Variants in PCDHA2 observed in about 807,000 individuals in gnomAD.
The protein encoded by PCDHA2 is protocadherin alpha-2.
In PCDHA2, 58 loss-of-function variants were observed where a neutral mutation model predicts 66.0. That is an observed-to-expected ratio of 0.88 (90% CI 0.71 to 1.09). The LOEUF is 1.09. Among genes scored for constraint, PCDHA2 ranks in the 50% least tolerant of loss-of-function variants. The pLI is 0.00. For missense variants in PCDHA2, 1,267 were observed against 1,242.3 expected (o/e 1.02, Z -0.30); for synonymous variants, 634 against 554.0 (o/e 1.14, Z -2.03).
intron 3 of PCDHA2, among the ~76,000 whole-genome samples, chr5:140,988,762 C>T (rs546274253): frequency 6.6e-6 from 1 of 152,308 alleles, no homozygotes; most frequent in South Asian, 2.1e-4. Context: ...GGGCAGAATA[C>T]AGTCATGGTT....
intron 1 of PCDHA2, chr5:140,810,659 GT>G (rs1271991109): frequency 7.3e-6 from 1 of 137,198 alleles, no homozygotes; most frequent in African/African-American, 2.9e-5. Context: ...CTAGTCTGTT[GT>G]TTTTCTTTTC....
intron 3 of PCDHA2, among the ~76,000 whole-genome samples, chr5:141,007,495 G>T (rs2098332812): frequency 6.6e-6 from 1 of 151,988 alleles, no homozygotes; most frequent in Non-Finnish European, 1.5e-5. Flanking sequence ...TTGGACCTAG[G>T]AGGCAGAGAC....
At chr5:140,943,826 GA>G (rs1186583699) in intron 1 of PCDHA2, among the ~76,000 whole-genome samples, 5 of 152,198 alleles carry the variant, frequency 3.3e-5, no homozygotes, top group African/African-American at 1.2e-4. Flanking sequence ...AAAATGAGTT[GA>G]TTGAAGTTGT....
At chr5:140,869,222 AAC>A (rs1554162674) in intron 1 of PCDHA2, 2 of 1,613,834 alleles carry the variant, frequency 1.2e-6, no homozygotes, top group South Asian at 2.2e-5. Context: ...GAGGAGGCCA[AAC>A]ACGGCACCTT....
chr5:140,929,364 A>C (rs782443919), intron 1 of PCDHA2: 3 of 1,521,318 alleles, frequency 2.0e-6, no homozygotes, highest in Admixed American at 2.2e-5. Flanking sequence ...TTTGGCCCGG[A>C]GATGGCTGCT....
At chr5:140,960,903 G>C (rs560284839) in intron 1 of PCDHA2, among the ~76,000 whole-genome samples, 3 of 152,308 alleles carry the variant, frequency 2.0e-5, no homozygotes, top group African/African-American at 7.2e-5. Context: ...GGCATATCTT[G>C]AGTTTCAGAT....
chr5:140,822,002 T>G, intron 1 of PCDHA2: 1 of 1,614,048 alleles, frequency 6.2e-7, no homozygotes, highest in Non-Finnish European at 8.5e-7. Context: ...CTTCTGGAGG[T>G]AAATCTGCAG....
rs151317539 is a variant in PCDHA2, at chr5:140,820,743, GTA to G, written c.2388+23393_2388+23394del. On this transcript the variant is annotated intron_variant, in intron 1 of 3. Transcript: ENST00000526136. ...TGGAACCTAAACATTTTGTGAAATA[GTA>G]TGTCATATAGACAATATTAGGATTT... 4.0e-3 allele frequency among the ~76,000 whole-genome samples: 604 copies of G among 152,120 alleles called. 4 individuals are homozygous for G. Among genetic ancestry groups the G allele is most frequent in the African/African-American group, 0.014 (583 of 41,538 alleles).
intron 1 of PCDHA2, among the ~76,000 whole-genome samples, chr5:140,806,272 T>A (rs1407708262): frequency 1.3e-5 from 2 of 152,168 alleles, no homozygotes; most frequent in South Asian, 2.1e-4. Flanking sequence ...AATATTCAGT[T>A]TGGCTAAAAT....
chr5:140,823,471 G>A (rs1554129365), intron 1 of PCDHA2: 8 of 1,613,470 alleles, frequency 5.0e-6, no homozygotes, highest in Non-Finnish European at 6.8e-6. Context: ...GGCGCTGCTG[G>A]TGCCTCGAGT....
intron 1 of PCDHA2, chr5:140,862,812 C>G (rs782335970): frequency 1.7e-6 from 1 of 572,078 alleles, no homozygotes; most frequent in Non-Finnish European, 3.4e-6. Context: ...TGCTGCAGTT[C>G]TAGGTGAGAG....
chr5:140,930,997 A>G (rs1355351475), intron 1 of PCDHA2, among the ~76,000 whole-genome samples: 3 of 152,198 alleles, frequency 2.0e-5, no homozygotes, highest in Admixed American at 1.3e-4. Context: ...GACCTACACT[A>G]ATAACATAAC....
chr5:140,949,924 AT>A (rs144693243), intron 1 of PCDHA2, among the ~76,000 whole-genome samples: 8,382 of 151,404 alleles, frequency 0.055, 277 homozygotes, highest in Non-Finnish European at 0.077. Context: ...CTATTTTTAG[AT>A]TTTTTTTAAT....
At chr5:140,803,126 G>A (rs924510716) in intron 1 of PCDHA2, 16 of 1,613,692 alleles carry the variant, frequency 9.9e-6, no homozygotes, top group Non-Finnish European at 1.3e-5. Context: ...TGGACGCCCC[G>A]CGCCATCGCC....
chr5:140,978,836 A>G (rs891146888), intron 1 of PCDHA2, 113 bp from the exon 2 acceptor site: 1 of 1,552,522 alleles, frequency 6.4e-7, no homozygotes, highest in Non-Finnish European at 8.7e-7. Context: ...GGCTCATTCA[A>G]TACTTTTTTA....
chr5:140,954,920 G>A (rs1295412224), intron 1 of PCDHA2, among the ~76,000 whole-genome samples: 2 of 152,076 alleles, frequency 1.3e-5, no homozygotes, highest in East Asian at 3.9e-4. Context: ...TATGAATTAC[G>A]TCTTTAATTA....
rs1334280981 is a variant in PCDHA2, at chr5:140,848,756, T to C, written c.2388+51404T>C. On this transcript the variant is annotated intron_variant, in intron 1 of 3. Coordinates refer to ENST00000526136, the MANE Select transcript of PCDHA2 (RefSeq NM_018905.3). ...TGCAGAATGGCATTTTGTTTGTGAATTCTCGGATCGACCGCGAGGAGCTGT... is the reference window on the plus strand; with the variant it reads ...TGCAGAATGGCATTTTGTTTGTGAACTCTCGGATCGACCGCGAGGAGCTGT... 2 of 1,593,258 alleles carry C rather than the reference T, an allele frequency of 1.3e-6. 1 individual carries two copies. Among genetic ancestry groups the C allele is most frequent in the Non-Finnish European group, 1.7e-6 (2 of 1,164,046 alleles).
Position 140,838,081 on chromosome 5 carries a change from T to A in PCDHA2, c.2388+40729T>A, listed in dbSNP as rs1309951624. The stretch of plus-strand genomic sequence containing the variant: ...CACTTTAAGTTATATATATATAGTG[T>A]GTGTGTGTGTGTGTGTGTGTGTGTG... On this transcript the variant is annotated intron_variant, in intron 1 of 3. Coordinates refer to ENST00000526136, the MANE Select transcript of PCDHA2 (RefSeq NM_018905.3). Among the ~76,000 whole-genome samples, 2 of 13,360 alleles carry A rather than the reference T, an allele frequency of 1.5e-4. 1 individual carries two copies. Among genetic ancestry groups the A allele is most frequent in the South Asian group, 5.1e-3 (2 of 390 alleles). 8.8% of individuals were successfully genotyped at this position (13,360 alleles called of 152,430 possible).
intron 1 of PCDHA2, chr5:140,858,577 A>T: frequency 7.4e-7 from 1 of 1,352,316 alleles, no homozygotes; most frequent in Non-Finnish European, 1.0e-6. Context: ...ATACCTTTGT[A>T]ATATAATTTA....
Sources: gnomAD v4.1 joint callset for allele counts (sites outside exome capture counted in the v4.1 genomes callset) on GRCh38, gnomAD v4.1.1 for gene constraint, MANE v1.5 for transcripts, NCBI Gene and HGNC (gene_info 2026-07-23, HGNC 2026-07-21) for gene names.